Variants in PDE3A observed in about 807,000 individuals in gnomAD.
PDE3A encodes the protein phosphodiesterase 3A, also known as cGMP-inhibited 3',5'-cyclic phosphodiesterase 3A.
Under a neutral mutation model 98.3 loss-of-function variants are expected in PDE3A, and 43 were observed. The observed-to-expected ratio is 0.44, with a 90% confidence interval of 0.34 to 0.56. The LOEUF (loss-of-function observed/expected upper bound fraction) is 0.56. Among genes scored for constraint, PDE3A ranks in the 20% least tolerant of loss-of-function variants. The pLI, the probability that PDE3A is intolerant of heterozygous loss-of-function variation, is 0.01. For synonymous variants in PDE3A, 663 were observed against 567.9 expected, an observed-to-expected ratio of 1.17 and a Z score of -2.38; for missense variants, 1,427 against 1,440.7, an observed-to-expected ratio of 0.99 and a Z score of 0.15.
At chr12:20,437,064 T>C (rs980398861) in intron 1 of PDE3A, among the ~76,000 whole-genome samples, 115 of 152,094 alleles carry the variant, frequency 7.6e-4, no homozygotes, top group South Asian at 3.3e-3. Context: ...TGTGTGTGTG[T>C]GTGTGTGTGT....
Position 20,556,650 on chromosome 12 carries a change from A to G in PDE3A, c.961-10A>G, listed in dbSNP as rs778387185. On this transcript the variant is annotated splice_polypyrimidine_tract_variant and intron_variant, in intron 1 of 15. Transcript: ENST00000359062. ...AATCATTTAACTTATTATAATTTTC[A>G]TCTTTCCAGCTCATGGGGCATTCAG... 1.3e-6 allele frequency: 2 copies of G among 1,559,302 alleles called. No individual in the cohort carries two copies. Among genetic ancestry groups the G allele is most frequent in the Non-Finnish European group, 1.8e-6 (2 of 1,131,222 alleles).
At chr12:20,425,035 A>T (rs1944580925) in intron 1 of PDE3A, among the ~76,000 whole-genome samples, 1 of 152,232 alleles carries the variant, frequency 6.6e-6, no homozygotes, top group Non-Finnish European at 1.5e-5. Flanking sequence ...AGTCTGTGGA[A>T]TCCTGTGTCA....
At chr12:20,667,972 C>T (rs981849458) in intron 15 of PDE3A, among the ~76,000 whole-genome samples, 42 of 152,042 alleles carry the variant, frequency 2.8e-4, no homozygotes, top group African/African-American at 8.5e-4. Flanking sequence ...AGACAGTGGG[C>T]GCAGGTCAGT....
At chr12:20,413,491 T>G (rs149228234) in intron 1 of PDE3A, among the ~76,000 whole-genome samples, 2 of 152,218 alleles carry the variant, frequency 1.3e-5, no homozygotes, top group Non-Finnish European at 2.9e-5. Context: ...ATGACTGTAT[T>G]TCTCCTGTGG....
intron 1 of PDE3A, among the ~76,000 whole-genome samples, chr12:20,373,361 C>T (rs1156386613): frequency 2.6e-5 from 4 of 151,986 alleles, no homozygotes; most frequent in South Asian, 4.1e-4. Context: ...ACTGTGCCCT[C>T]GGCCCGAAAC....
intron 1 of PDE3A, among the ~76,000 whole-genome samples, chr12:20,456,304 A>G (rs1945150296): frequency 6.6e-6 from 1 of 152,132 alleles, no homozygotes; most frequent in African/African-American, 2.4e-5. Flanking sequence ...GAATTTTGTA[A>G]TATGTTCCCT....
At chr12:20,373,380 A>G (rs1036394509) in intron 1 of PDE3A, among the ~76,000 whole-genome samples, 1 of 152,122 alleles carries the variant, frequency 6.6e-6, no homozygotes, top group Non-Finnish European at 1.5e-5. Flanking sequence ...ACATGGGAAT[A>G]TACAGAGGTA....
At chr12:20,542,434 CAT>C (rs1463475267) in intron 1 of PDE3A, among the ~76,000 whole-genome samples, 3 of 33,722 alleles carry the variant, frequency 8.9e-5, no homozygotes, top group Non-Finnish European at 1.7e-4. Context: ...TACGTAACAG[CAT>C]ACACACACAC....
intron 1 of PDE3A, among the ~76,000 whole-genome samples, chr12:20,470,446 C>T (rs1463516984): frequency 6.7e-6 from 1 of 149,730 alleles, no homozygotes. Context: ...CAAGTATGAA[C>T]ACTGTAATGA....
At chr12:20,623,526 A>AT (rs1298328927) in intron 5 of PDE3A, among the ~76,000 whole-genome samples, 2 of 152,090 alleles carry the variant, frequency 1.3e-5, no homozygotes, top group Non-Finnish European at 1.5e-5. Context: ...GTAACCTAAA[A>AT]TTTTGTGCCT....
At chr12:20,487,344 A>G (rs7484301) in intron 1 of PDE3A, among the ~76,000 whole-genome samples, 55,099 of 151,444 alleles carry the variant, frequency 0.36, 10,585 homozygotes, top group East Asian at 0.68. Context: ...TTAAAGTCAG[A>G]AAAGAAGTGC....
In PDE3A at chr12:20,552,153, G is replaced by A. The variant is rs919906810; in HGVS notation, c.961-4507G>A. ...AACTCACCAACACCAACAGGGCGCT[G>A]GCTCTCAACTGCTTTGCTCCCATCA... On this transcript the variant is annotated intron_variant, in intron 1 of 15. Coordinates refer to ENST00000359062, the MANE Select transcript of PDE3A (RefSeq NM_000921.5). The surrounding 1 kb of genome is among the most constrained non-coding windows in gnomAD (Gnocchi z 5.1). 4 of 1,613,604 alleles carry A rather than the reference G, an allele frequency of 2.5e-6. No homozygotes were observed. The highest frequency in any genetic ancestry group is 3.4e-6 in the Non-Finnish European group (4 of 1,179,910).
chr12:20,620,411 A>G (rs1944105073), intron 4 of PDE3A, among the ~76,000 whole-genome samples: 1 of 152,108 alleles, frequency 6.6e-6, no homozygotes, highest in African/African-American at 2.4e-5. Flanking sequence ...CCCTTGGAGC[A>G]GTCCAAGATT....
chr12:20,578,848 A>C (rs1943001239), intron 2 of PDE3A, among the ~76,000 whole-genome samples: 1 of 152,080 alleles, frequency 6.6e-6, no homozygotes, highest in Non-Finnish European at 1.5e-5. Flanking sequence ...TCATTTGATC[A>C]CTTCCTATAT....
chr12:20,532,547 G>T (rs1941631778), intron 1 of PDE3A, among the ~76,000 whole-genome samples: 1 of 152,060 alleles, frequency 6.6e-6, no homozygotes, highest in African/African-American at 2.4e-5. Flanking sequence ...TACAAATACA[G>T]ATTGGCAACA....
rs1945834910 is a variant in PDE3A, at chr12:20,682,944, G to C, written c.*2673G>C. The C allele has an allele frequency of 6.6e-6, 1 of 152,170 alleles. No individual in the cohort carries two copies. Among genetic ancestry groups the C allele is most frequent in the Non-Finnish European group, 1.5e-5 (1 of 68,038 alleles). 9.4% of individuals were successfully genotyped at this position (152,170 alleles called of 1,614,324 possible). A position where few individuals can be genotyped will look rare whatever the true frequency, so the allele number is the denominator to read the frequency against. On this transcript the variant is annotated 3_prime_UTR_variant, in exon 16 of 16. Transcript: ENST00000359062. ...ATAGTCCAACTAGTGGGGCAGCTTG[G>C]CTACTATGGTGGAAGTCTCAGCAAA...
intron 2 of PDE3A, chr12:20,557,017 C>T (rs1224232638): frequency 3.4e-6 from 1 of 292,284 alleles, no homozygotes; most frequent in Non-Finnish European, 6.2e-6. Flanking sequence ...TTATTCATTT[C>T]CTTTGACAAT....
chr12:20,632,754 C>A (rs553848997), intron 6 of PDE3A, among the ~76,000 whole-genome samples: 1 of 151,954 alleles, frequency 6.6e-6, no homozygotes, highest in East Asian at 1.9e-4. Flanking sequence ...CATCAAAATG[C>A]ACCCCTCTTT....
intron 1 of PDE3A, among the ~76,000 whole-genome samples, chr12:20,451,271 T>C (rs1945059104): frequency 6.6e-6 from 1 of 152,136 alleles, no homozygotes; most frequent in Non-Finnish European, 1.5e-5. Context: ...TGGTCTTTTA[T>C]TTTTTATTTT....
Sources: gnomAD v4.1 joint callset for allele counts (sites outside exome capture counted in the v4.1 genomes callset) on GRCh38, gnomAD v4.1.1 for gene constraint, Gnocchi (gnomAD v3.1) non-coding constraint, MANE v1.5 for transcripts, NCBI Gene and HGNC (gene_info 2026-07-23, HGNC 2026-07-21) for gene names.